The following FRMPD4 variants were observed in gnomAD, a reference collection of about 807,000 sequenced individuals.
The protein encoded by FRMPD4 is FERM and PDZ domain containing 4.
FRMPD4 carries 22 observed loss-of-function variants against 94.1 expected under a neutral mutation model. The ratio of observed to expected loss-of-function variants is 0.23; its 90% confidence interval spans 0.17 to 0.33. FRMPD4 has a LOEUF of 0.33. FRMPD4 is among the 10% of genes least tolerant of loss of function. The pLI, the probability that FRMPD4 is intolerant of heterozygous loss-of-function variation, is 1.00. For synonymous variants in FRMPD4, 631 were observed against 548.6 expected (o/e 1.15, Z -2.10); for missense variants, 1,111 against 1,339.9 (o/e 0.83, Z 2.67).
chrX:12,068,279 C>T (rs1201837180), intron 3 of FRMPD4, among the ~76,000 whole-genome samples: 1 of 112,049 alleles, frequency 8.9e-6, no homozygotes, highest in Non-Finnish European at 1.9e-5. Flanking sequence ...GACTTCTGGC[C>T]TTCAGAAGTG....
At chrX:12,659,904 G>A (rs1397422111) in intron 4 of FRMPD4, among the ~76,000 whole-genome samples, 1 of 112,125 alleles carries the variant, frequency 8.9e-6, no homozygotes, top group Non-Finnish European at 1.9e-5. Context: ...AGATACATAT[G>A]CAAATTAACT....
At chrX:12,020,834 A>G (rs970166475) in intron 3 of FRMPD4, among the ~76,000 whole-genome samples, 1 of 111,925 alleles carries the variant, frequency 8.9e-6, no homozygotes, top group African/African-American at 3.2e-5. Flanking sequence ...CATGCAGGCC[A>G]TGATTCTCTA....
At chrX:12,237,847 T>G (rs1305288833) in intron 1 of FRMPD4, among the ~76,000 whole-genome samples, 3 of 112,805 alleles carry the variant, frequency 2.7e-5, no homozygotes, top group Non-Finnish European at 5.6e-5. Context: ...TAAATACATT[T>G]TTAAAAATGG....
chrX:12,066,335 A>G (rs1983294693), intron 3 of FRMPD4, among the ~76,000 whole-genome samples: 2 of 112,120 alleles, frequency 1.8e-5, no homozygotes, highest in Admixed American at 1.9e-4. Context: ...TACCTAGGAA[A>G]CAAATCAAAT....
chrX:12,468,576 C>T (rs1026981416), intron 1 of FRMPD4, among the ~76,000 whole-genome samples: 1 of 111,835 alleles, frequency 8.9e-6, no homozygotes, highest in African/African-American at 3.2e-5. Flanking sequence ...AGAAAGGAAA[C>T]TTCATTTGGG....
intron 1 of FRMPD4, among the ~76,000 whole-genome samples, chrX:12,454,483 C>T (rs745596410): frequency 9.0e-6 from 1 of 110,608 alleles, no homozygotes; most frequent in African/African-American, 3.3e-5. Flanking sequence ...AGAATAACCA[C>T]GTGATCGTGG....
chrX:11,870,039 A>T (rs1458522447), intron 2 of FRMPD4, among the ~76,000 whole-genome samples: 1 of 112,042 alleles, frequency 8.9e-6, no homozygotes, highest in African/African-American at 3.2e-5. Context: ...CTGCACAAAA[A>T]GAAGTAGAAT....
At chrX:12,238,210 C>T (rs753314473) in intron 1 of FRMPD4, among the ~76,000 whole-genome samples, 7 of 111,803 alleles carry the variant, frequency 6.3e-5, no homozygotes, top group South Asian at 3.8e-4. Context: ...CCACAACCTC[C>T]GCTTCCCGGG....
chrX:12,378,700 A>G (rs2056276016), intron 1 of FRMPD4, among the ~76,000 whole-genome samples: 2 of 111,994 alleles, frequency 1.8e-5, no homozygotes, highest in Non-Finnish European at 3.8e-5. Flanking sequence ...TATGTCTTAG[A>G]TTTTCTTGGC....
intron 2 of FRMPD4, among the ~76,000 whole-genome samples, chrX:12,548,752 G>T (rs2058503932): frequency 8.9e-6 from 1 of 112,014 alleles, no homozygotes; most frequent in Non-Finnish European, 1.9e-5. Flanking sequence ...CCATAAACAA[G>T]GTTAGGTCTT....
At chrX:11,839,146 G>C (rs937576041) in intron 1 of FRMPD4, among the ~76,000 whole-genome samples, 1 of 111,458 alleles carries the variant, frequency 9.0e-6, no homozygotes, top group African/African-American at 3.3e-5. Context: ...ACCATATTTA[G>C]TTTGTGTTTA....
chrX:12,409,099 C>G (rs1202678214), intron 1 of FRMPD4, among the ~76,000 whole-genome samples: 6 of 111,534 alleles, frequency 5.4e-5, no homozygotes, highest in Non-Finnish European at 1.1e-4. Context: ...GTTAAGACAG[C>G]TTGTAATGAG....
intron 9 of FRMPD4, among the ~76,000 whole-genome samples, chrX:12,700,361 A>G (rs1044555723): frequency 8.9e-6 from 1 of 112,634 alleles, no homozygotes; most frequent in African/African-American, 3.2e-5. Flanking sequence ...CCAGGAATCC[A>G]GTTTCCCATA....
intron 4 of FRMPD4, among the ~76,000 whole-genome samples, chrX:12,670,968 G>A (rs1236998451): frequency 1.8e-5 from 2 of 112,478 alleles, no homozygotes; most frequent in African/African-American, 3.2e-5. Context: ...TATTTATGCG[G>A]CCAACAAACA....
At chrX:12,418,350 C>CTT (rs540740432) in intron 1 of FRMPD4, among the ~76,000 whole-genome samples, 1,729 of 80,939 alleles carry the variant, frequency 0.021, 49 homozygotes, top group African/African-American at 0.054. Flanking sequence ...GTGTTTCTTT[C>CTT]TTTTTTTTTT....
chrX:12,478,616 T>G (rs2057633884), intron 1 of FRMPD4, among the ~76,000 whole-genome samples: 1 of 111,009 alleles, frequency 9.0e-6, no homozygotes, highest in African/African-American at 3.3e-5. Context: ...GTATGTATAG[T>G]GGGGGTAGGG....
At chrX:11,934,317 A>C (rs1334796728) in intron 3 of FRMPD4, among the ~76,000 whole-genome samples, 3 of 112,047 alleles carry the variant, frequency 2.7e-5, no homozygotes, top group Non-Finnish European at 5.6e-5. Flanking sequence ...TAGTTAGTGT[A>C]CATAGAAACA....
rs2056734924 is a variant in FRMPD4 at position 12,411,772 on chromosome X, A to G, written c.42-86908A>G. On this transcript the variant is annotated intron_variant, in intron 1 of 16. Coordinates refer to ENST00000675598, the MANE Select transcript of FRMPD4 (RefSeq NM_001368397.1). ...ATTGCATCCTTAGCACATGGCTTCC[A>G]TCGTCAGTGTCACTGCATGGTCCAA... Among the ~76,000 whole-genome samples, 3 of 111,529 alleles carry G rather than the reference A, an allele frequency of 2.7e-5. No individual in the cohort carries two copies. The South Asian group carries it at 1.2e-3, about 43-fold the overall frequency.
At chrX:12,669,793 C>T (rs1234892901) in intron 4 of FRMPD4, among the ~76,000 whole-genome samples, 2 of 112,001 alleles carry the variant, frequency 1.8e-5, no homozygotes, top group Non-Finnish European at 3.8e-5. Flanking sequence ...TACAGGCAGC[C>T]TCTAGAAGTT....
Sources: gnomAD v4.1 joint callset for allele counts (sites outside exome capture counted in the v4.1 genomes callset) on GRCh38, gnomAD v4.1.1 for gene constraint, MANE v1.5 for transcripts, NCBI Gene and HGNC (gene_info 2026-07-23, HGNC 2026-07-21) for gene names.